ANXA4: variants seen among roughly 807,000 people sequenced by gnomAD.
ANXA4 encodes the protein 35-beta calcimedin.
Under a neutral mutation model 49.8 loss-of-function variants are expected in ANXA4, and 39 were observed. The ratio of observed to expected loss-of-function variants is 0.78; its 90% CI spans 0.61 to 1.02. The LOEUF is 1.02. Among genes scored for constraint, ANXA4 ranks in the 50% least tolerant of loss-of-function variants. ANXA4 has a pLI of 0.00. For synonymous variants in ANXA4, 134 were observed against 152.5 expected (o/e 0.88, Z 0.89); for missense variants, 360 against 410.1 (o/e 0.88, Z 1.05).
intron 1 of ANXA4, among the ~76,000 whole-genome samples, chr2:69,774,528 C>T (rs1428592907): frequency 2.0e-5 from 3 of 151,692 alleles, no homozygotes; most frequent in African/African-American, 4.8e-5. Flanking sequence ...TTAGTAGAGA[C>T]GGGGTTTCAT....
intron 1 of ANXA4, among the ~76,000 whole-genome samples, chr2:69,757,339 C>T (rs1307812644): frequency 1.5e-5 from 2 of 137,894 alleles, no homozygotes; most frequent in African/African-American, 5.3e-5. Flanking sequence ...CGCATGATCT[C>T]GGCTCACTGC....
intron 2 of ANXA4, among the ~76,000 whole-genome samples, chr2:69,655,337 A>G (rs1227463608): frequency 6.6e-6 from 1 of 152,222 alleles, no homozygotes; most frequent in East Asian, 1.9e-4. Context: ...ACAAGAAAAA[A>G]ACAGACAACC....
chr2:69,785,742 C>A (rs1043606773), intron 2 of ANXA4, among the ~76,000 whole-genome samples: 3 of 152,134 alleles, frequency 2.0e-5, no homozygotes, highest in Admixed American at 1.3e-4. Context: ...AAGATTCATA[C>A]CCCACTCCAG....
chr2:69,683,569 C>A (rs924375497), intron 2 of ANXA4, among the ~76,000 whole-genome samples: 1 of 152,242 alleles, frequency 6.6e-6, no homozygotes, highest in East Asian at 1.9e-4. Flanking sequence ...GAACGATATG[C>A]GCTGTCTTCT....
In ANXA4 at chr2:69,679,276, C is replaced by T. The variant is rs536786442; in HGVS notation, n.766+25994C>T. On this transcript the variant is annotated intron_variant and non_coding_transcript_variant, in intron 2 of 3. Transcript: ENST00000418066. ...CTCAGCCTCCCAAGTAGATGGACCA[C>T]AGGCATGTGCCACCATGCCTGGCTA... Among the ~76,000 whole-genome samples, 6 of 152,226 alleles carry T rather than the reference C, an allele frequency of 3.9e-5. No individual in the cohort carries two copies. In the South Asian group the frequency reaches 1.2e-3, roughly 32 times the overall value.
rs1164432200 is a variant in ANXA4 at position 69,779,008 on chromosome 2, T to G, written c.-46-2512T>G. On this transcript the variant is annotated intron_variant, in intron 1 of 12. Transcript: ENST00000394295. ...TCTGTAATCCATCTACCAGGGAGGC[T>G]GAGACAGAAGACTCGCTTGAACCTG... Among the ~76,000 whole-genome samples the G allele has an allele frequency of 2.0e-5, 3 of 146,440 alleles. No individual in the cohort carries two copies. In the South Asian group the frequency reaches 6.4e-4, roughly 31 times the overall value.
chr2:69,809,402 T>G (rs1036408403), intron 6 of ANXA4: 1 of 152,216 alleles, frequency 6.6e-6, no homozygotes, highest in African/African-American at 2.4e-5. Context: ...TGTGAAGGGC[T>G]GGAGCTTCTC....
At chr2:69,707,493 T>G (rs1236952326) in intron 2 of ANXA4, among the ~76,000 whole-genome samples, 5 of 152,234 alleles carry the variant, frequency 3.3e-5, no homozygotes, top group Admixed American at 6.5e-5. Context: ...TCAATGATAA[T>G]TATTTCCTTG....
chr2:69,656,401 G>GTGTGTGTATA (rs1559046907), intron 2 of ANXA4, among the ~76,000 whole-genome samples: 1 of 135,208 alleles, frequency 7.4e-6, no homozygotes, highest in Non-Finnish European at 1.5e-5. Flanking sequence ...GTATATATAT[G>GTGTGTGTATA]TATATATATG....
chr2:69,782,188 A>G (rs895513373), intron 2 of ANXA4, among the ~76,000 whole-genome samples: 2 of 152,164 alleles, frequency 1.3e-5, no homozygotes, highest in African/African-American at 4.8e-5. Context: ...TTGCCCAAAT[A>G]CGGTTTCTGA....
chr2:69,771,600 C>T (rs1245903258), intron 1 of ANXA4, among the ~76,000 whole-genome samples: 1 of 152,192 alleles, frequency 6.6e-6, no homozygotes, highest in African/African-American at 2.4e-5. Context: ...CCACATATAG[C>T]CTACTAAATA....
At chr2:69,724,806 T>C (rs181594675) in intron 3 of ANXA4, among the ~76,000 whole-genome samples, 3 of 134,164 alleles carry the variant, frequency 2.2e-5, no homozygotes, top group African/African-American at 8.8e-5. Flanking sequence ...GCTCTCGCCC[T>C]GTGGTTGCTT....
intron 3 of ANXA4, among the ~76,000 whole-genome samples, chr2:69,793,197 G>A (rs578225922): frequency 7.6e-4 from 112 of 147,004 alleles, no homozygotes; most frequent in Non-Finnish European, 1.3e-3. Context: ...GGTTGCAGTG[G>A]GCCAAGATCG....
rs1672200174 is a variant in ANXA4 at position 69,781,555 on chromosome 2, GA to G, written c.-10del. On this transcript the variant is annotated 5_prime_UTR_variant, in exon 2 of 13. Coordinates refer to ENST00000394295, the MANE Select transcript of ANXA4 (RefSeq NM_001153.5). ...GCTTGGGTGGCTGAACTCTGATCTT[GA>G]CCTAGAGTCATGGCCATGGTAAGTT... The G allele has an allele frequency of 6.2e-7, 1 of 1,613,894 alleles. No homozygotes were observed. The highest frequency in any genetic ancestry group is 1.3e-5 in the African/African-American group (1 of 74,918).
chr2:69,810,558 T>C, intron 6 of ANXA4, 36 bp from the exon 7 acceptor site: 2 of 1,581,616 alleles, frequency 1.3e-6, no homozygotes, highest in Non-Finnish European at 1.7e-6. Context: ...GGCAAGACTC[T>C]TAATTCTGAA....
chr2:69,786,004 C>G (rs775744862), intron 2 of ANXA4, among the ~76,000 whole-genome samples: 1 of 152,176 alleles, frequency 6.6e-6, no homozygotes, highest in African/African-American at 2.4e-5. Context: ...GCTGATGCAT[C>G]CCGACTTTAT....
intron 1 of ANXA4, among the ~76,000 whole-genome samples, chr2:69,753,017 G>A (rs886888221): frequency 2.0e-5 from 3 of 152,066 alleles, no homozygotes; most frequent in Admixed American, 6.5e-5. Flanking sequence ...CCTAAGTCAC[G>A]TGAGAGCTCT....
chr2:69,667,986 A>G (rs113838937), intron 2 of ANXA4, among the ~76,000 whole-genome samples: 3 of 152,330 alleles, frequency 2.0e-5, no homozygotes, highest in Non-Finnish European at 4.4e-5. Flanking sequence ...GCAGAAATGC[A>G]CAGGTGCTTT....
chr2:69,789,715 G>A (rs1672593658), intron 3 of ANXA4, among the ~76,000 whole-genome samples: 1 of 152,170 alleles, frequency 6.6e-6, no homozygotes, highest in Non-Finnish European at 1.5e-5. Flanking sequence ...GGGTCCAGTG[G>A]TTTGGTTGGG....
Sources: gnomAD v4.1 joint callset for allele counts (sites outside exome capture counted in the v4.1 genomes callset) on GRCh38, gnomAD v4.1.1 for gene constraint, MANE v1.5 for transcripts, NCBI Gene and HGNC (gene_info 2026-07-23, HGNC 2026-07-21) for gene names.